MIS18A: variants seen among roughly 807,000 people sequenced by gnomAD.
MIS18A encodes the protein MIS18 kinetochore protein A.
Under a neutral mutation model 25.0 loss-of-function variants are expected in MIS18A, and 14 were observed. That is an observed-to-expected ratio of 0.56 (90% CI 0.37 to 0.88). MIS18A has a LOEUF of 0.88. Among genes scored for constraint, MIS18A ranks in the 40% least tolerant of loss-of-function variants. MIS18A has a pLI of 0.00. For missense variants in MIS18A, 292 were observed against 290.8 expected (o/e 1.00, Z -0.03); for synonymous variants, 134 against 118.6 (o/e 1.13, Z -0.84).
At chr21:32,218,019 C>T in the MIS18A span, among the ~76,000 whole-genome samples, 11 of 151,290 alleles carry the variant, frequency 7.3e-5, no homozygotes, top group African/African-American at 2.7e-4. Context: ...TGGTGAAATC[C>T]CGTCTCTACT....
At chr21:32,240,366 C>T in the MIS18A span, among the ~76,000 whole-genome samples, 5 of 152,234 alleles carry the variant, frequency 3.3e-5, no homozygotes, top group Admixed American at 3.3e-4. Flanking sequence ...CACATGAGTA[C>T]CCAGCAAGAA....
chr21:32,240,078 TC>T, the MIS18A span, among the ~76,000 whole-genome samples: 2 of 152,188 alleles, frequency 1.3e-5, no homozygotes, highest in African/African-American at 4.8e-5. Context: ...GCAGTCCAGG[TC>T]TGTGGGGGAC....
the MIS18A span, among the ~76,000 whole-genome samples, chr21:32,180,462 C>T: frequency 3.3e-5 from 5 of 152,188 alleles, no homozygotes; most frequent in African/African-American, 1.2e-4. Context: ...CTCCACAGTC[C>T]CTCTCTCTCA....
intron 1 of MIS18A, among the ~76,000 whole-genome samples, chr21:32,277,430 C>T (rs890790861): frequency 6.6e-6 from 1 of 152,124 alleles, no homozygotes; most frequent in Non-Finnish European, 1.5e-5. Context: ...AGAGCTTTTC[C>T]TACCTAACCA....
At chr21:32,193,988 C>T in the MIS18A span, among the ~76,000 whole-genome samples, 22,844 of 152,016 alleles carry the variant, frequency 0.15, 1,827 homozygotes, top group East Asian at 0.24. Context: ...TACCCCCTTG[C>T]CAGCTGATAA....
chr21:32,251,114 A>T, the MIS18A span, among the ~76,000 whole-genome samples: 8,856 of 152,178 alleles, frequency 0.058, 343 homozygotes, highest in Middle Eastern at 0.12. Flanking sequence ...AAGTTTCCTG[A>T]GGCCTCCCCA....
chr21:32,260,084 C>CTTTTTTTTTTTTTTTTTTT, the MIS18A span: 42 of 116,916 alleles, frequency 3.6e-4, 4 homozygotes, highest in Middle Eastern at 3.9e-3. Context: ...TTTTTCTCAG[C>CTTTTTTTTTTTTTTTTTTT]TTTTTTTTTT....
chr21:32,278,738 C>T lies in MIS18A; in HGVS notation c.277G>A (p.Gly93Ser). The T allele has an allele frequency of 6.3e-7, 1 of 1,579,170 alleles. No homozygotes were observed. Among genetic ancestry groups the T allele is most frequent in the Non-Finnish European group, 8.6e-7 (1 of 1,169,092 alleles). Residue 93 changes from glycine (G) to serine (S), a missense_variant, in exon 1 of 5, where the codon GGC becomes AGC. Coordinates refer to ENST00000290130, the MANE Select transcript of MIS18A (RefSeq NM_018944.3). Reference protein sequence around the residue: ...FLCSGCRRPLGDSLSWVASQE... With the variant: ...FLCSGCRRPLSDSLSWVASQE... ...CTGGCCACCCAGCTCAGCGAGTCGC[C>T]CAGCGGCCGCCGGCAGCCGGAGCAC...
At chr21:32,213,742 TG>T in the MIS18A span, among the ~76,000 whole-genome samples, 72 of 152,366 alleles carry the variant, frequency 4.7e-4, no homozygotes, top group Non-Finnish European at 8.8e-4. Context: ...ATGAGGTTAA[TG>T]TCAAGGTGTC....
the MIS18A span, among the ~76,000 whole-genome samples, chr21:32,245,472 T>C: frequency 1.3e-5 from 2 of 152,178 alleles, no homozygotes; most frequent in Non-Finnish European, 2.9e-5. Context: ...CAAAATTCTC[T>C]GCATTATAAG....
At chr21:32,214,336 C>G in the MIS18A span, among the ~76,000 whole-genome samples, 1 of 152,118 alleles carries the variant, frequency 6.6e-6, no homozygotes, top group African/African-American at 2.4e-5. Flanking sequence ...TGCATTGGAC[C>G]TAGAAAATTC....
the MIS18A span, among the ~76,000 whole-genome samples, chr21:32,160,680 G>A: frequency 6.6e-6 from 1 of 151,720 alleles, no homozygotes; most frequent in South Asian, 2.1e-4. Context: ...GAGTTTCGCT[G>A]GAGTGCAATG....
the MIS18A span, among the ~76,000 whole-genome samples, chr21:32,230,041 C>T: frequency 6.6e-6 from 1 of 152,230 alleles, no homozygotes; most frequent in African/African-American, 2.4e-5. Context: ...TCATCAACAA[C>T]TGCATGCAAA....
chr21:32,173,887 A>C, the MIS18A span, among the ~76,000 whole-genome samples: 1 of 151,498 alleles, frequency 6.6e-6, no homozygotes, highest in African/African-American at 2.4e-5. Context: ...AAACCACTGA[A>C]TTTTATACTG....
At chr21:32,180,435 T>A in the MIS18A span, among the ~76,000 whole-genome samples, 1 of 152,188 alleles carries the variant, frequency 6.6e-6, no homozygotes, top group Non-Finnish European at 1.5e-5. Context: ...ACCATCCTTT[T>A]CCCTTCCCCA....
At chr21:32,244,511 A>AG in the MIS18A span, among the ~76,000 whole-genome samples, 1 of 152,156 alleles carries the variant, frequency 6.6e-6, no homozygotes, top group Non-Finnish European at 1.5e-5. Flanking sequence ...CCAAGGTGGG[A>AG]GGATCACTTG....
rs1569017946 is a variant in MIS18A at position 32,278,865 on chromosome 21, G to A, written c.150C>T (p.Ser50=). 1.2e-6 allele frequency: 2 copies of A among 1,612,934 alleles called. No homozygotes were observed. The highest frequency in any genetic ancestry group is 1.3e-5 in the African/African-American group (1 of 75,062). The change falls in exon 1 of 5, where the codon AGC becomes AGT. Residue 50 remains serine, a synonymous_variant. Coordinates refer to ENST00000290130, the MANE Select transcript of MIS18A (RefSeq NM_018944.3). The part of the protein sequence containing the change: ...SRHQLLQKWA[S]MWSSMSEDAS... Reference sequence around the variant, plus strand: ...CGTCTTCGCTCATGGAGCTCCACATGCTCGCCCACTTCTGCAACAGCTGGT... The same window carrying A: ...CGTCTTCGCTCATGGAGCTCCACATACTCGCCCACTTCTGCAACAGCTGGT...
chr21:32,255,638 C>G, the MIS18A span, among the ~76,000 whole-genome samples: 1 of 151,038 alleles, frequency 6.6e-6, no homozygotes, highest in Admixed American at 6.6e-5. Context: ...GCCTGTAATC[C>G]CAGCACTTTG....
the MIS18A span, among the ~76,000 whole-genome samples, chr21:32,207,081 C>T: frequency 7.2e-5 from 11 of 152,166 alleles, no homozygotes; most frequent in African/African-American, 2.2e-4. Flanking sequence ...TCCACGCCTG[C>T]GCCCCAGCTG....
Sources: allele counts gnomAD v4.1 joint callset (sites outside exome capture counted in the v4.1 genomes callset), GRCh38; gene constraint gnomAD v4.1.1; transcripts MANE v1.5; gene names NCBI Gene and HGNC (gene_info 2026-07-23, HGNC 2026-07-21).